Variants in ACRBP observed in about 807,000 individuals in gnomAD.
ACRBP encodes acrosin binding protein.
ACRBP carries 52 observed loss-of-function variants against 69.0 expected under a neutral mutation model. That is an observed-to-expected ratio of 0.75 (90% CI 0.60 to 0.95). The LOEUF (loss-of-function observed/expected upper bound fraction) is 0.95, where lower values mean the gene tolerates loss of function less well. Among genes scored for constraint, ACRBP ranks in the 40% least tolerant of loss-of-function variants. The probability of loss-of-function intolerance (pLI) is 0.00; values close to 1 mark genes in which losing one functional copy is unlikely to be tolerated. For synonymous variants in ACRBP, 267 were observed against 258.9 expected (o/e 1.03, Z -0.30); for missense variants, 604 against 673.0 (o/e 0.90, Z 1.13).
chr12:6,646,049 T>G (rs966219300), intron 3 of ACRBP, among the ~76,000 whole-genome samples: 10 of 150,406 alleles, frequency 6.6e-5, no homozygotes, highest in African/African-American at 2.5e-4. Context: ...AACCTTTGCC[T>G]CCCGGGTTCA....
intron 5 of ACRBP, among the ~76,000 whole-genome samples, chr12:6,643,894 G>C (rs1949070209): frequency 6.6e-6 from 1 of 152,210 alleles, no homozygotes; most frequent in Admixed American, 6.5e-5. Flanking sequence ...GCTAAACAGG[G>C]CAGAGACAAG....
intron 4 of ACRBP, among the ~76,000 whole-genome samples, 187 bp downstream of exon 4, chr12:6,645,033 T>C (rs983627244): frequency 1.3e-5 from 2 of 152,150 alleles, no homozygotes; most frequent in Admixed American, 6.5e-5. Context: ...GCAGAAGAGA[T>C]TCTGGTCCAG....
chr12:6,639,530 GC>G (rs1949035983), intron 8 of ACRBP, among the ~76,000 whole-genome samples: 1 of 152,186 alleles, frequency 6.6e-6, no homozygotes, highest in Non-Finnish European at 1.5e-5. Context: ...ACTTTTCCTT[GC>G]CTTGGTTTTC....
rs759289727 is a variant in ACRBP at position 6,644,256 on chromosome 12, T to C, written c.825A>G (p.Val275=). The C allele has an allele frequency of 2.0e-5, 33 of 1,614,064 alleles. No individual in the cohort carries two copies. The highest frequency in any genetic ancestry group is 2.7e-5 in the Non-Finnish European group (32 of 1,180,052). The change falls in exon 5 of 10, where the codon GTA becomes GTG. Residue 275 remains valine (V), a synonymous_variant. Transcript: ENST00000229243. ...TCTCCATTATCATAGGAGTAGACTC[T>C]ACTTCTCGTACCCGGGGAGCAAAAG... ...PSSFAPRVRE[V]ESTPMIMENI... is the part of the protein sequence containing the mutation.
At chr12:6,645,864 GTT>G (rs1372163277) in intron 3 of ACRBP, among the ~76,000 whole-genome samples, 1 of 151,820 alleles carries the variant, frequency 6.6e-6, no homozygotes, top group East Asian at 1.9e-4. Context: ...GTTTCACCGT[GTT>G]AGCCAGGATG....
intron 9 of ACRBP, chr12:6,638,691 A>C (rs574803134): frequency 2.8e-4 from 405 of 1,424,972 alleles, no homozygotes; most frequent in Non-Finnish European, 3.4e-4. Context: ...CTCAACGTCC[A>C]AGTCCTGGCC....
At chr12:6,646,598 A>G in intron 2 of ACRBP, 21 bp from the exon 3 acceptor site, 1 of 1,609,550 alleles carries the variant, frequency 6.2e-7, no homozygotes, top group Non-Finnish European at 8.5e-7. Flanking sequence ...GCAGGGGTGG[A>G]GAAGATGAAC....
intron 6 of ACRBP, among the ~76,000 whole-genome samples, chr12:6,642,637 T>G (rs773060198): frequency 1.3e-5 from 2 of 152,228 alleles, no homozygotes; most frequent in Non-Finnish European, 2.9e-5. Flanking sequence ...ACTTGAGCTT[T>G]ATAGAAAGTC....
At chr12:6,643,769 A>T in intron 5 of ACRBP, 98 bp from the exon 6 acceptor site, 1 of 1,509,546 alleles carries the variant, frequency 6.6e-7, no homozygotes. Flanking sequence ...TGCTTTGGTC[A>T]CACACATTCA....
At chr12:6,638,461 G>C (rs1450918449) in intron 9 of ACRBP, 57 bp from the exon 10 acceptor site, 1 of 1,609,038 alleles carries the variant, frequency 6.2e-7, no homozygotes, top group African/African-American at 1.3e-5. Context: ...CCAGGAGTGG[G>C]GAGGAGGGGA....
intron 8 of ACRBP, among the ~76,000 whole-genome samples, chr12:6,639,784 C>A (rs1592305858): frequency 1.3e-5 from 2 of 152,198 alleles, no homozygotes; most frequent in African/African-American, 4.8e-5. Context: ...GACTTGATCA[C>A]AGCCACCCAG....
chr12:6,638,368 TGTAA>T lies in ACRBP; in HGVS notation c.1542_1545del (p.Tyr515ValfsTer3). On this transcript the variant is annotated frameshift_variant, in exon 10 of 10. Coordinates refer to ENST00000229243, the MANE Select transcript of ACRBP (RefSeq NM_032489.3). LOFTEE classifies it high-confidence loss of function. ...TCACTTTTGCCAGGGCTCAGCGCAC[TGTAA>T]GTCTCATTCTGCAGACATCTCATGC... is the stretch of plus-strand genomic sequence containing the variant. 1 of 1,614,102 alleles carries T rather than the reference TGTAA, an allele frequency of 6.2e-7. No individual in the cohort carries two copies. Among genetic ancestry groups the T allele is most frequent in the Non-Finnish European group, 8.5e-7 (1 of 1,180,018 alleles).
At position 6,644,178 on chromosome 12, in the gene ACRBP, T is replaced by TATTTCATTC. The variant is rs1949071906; in HGVS notation, c.894_902dup (p.Met298_Glu300dup). ...TTCTCCAGTAGGAGTTCTCATCATA[T>TATTTCATTC]ATTTCATTCATTTCATCTATTTCCT... On this transcript the variant is annotated inframe_insertion, in exon 5 of 10. Transcript: ENST00000229243. The TATTTCATTC allele has an allele frequency of 5.0e-6, 8 of 1,608,216 alleles. No homozygotes were observed. Among genetic ancestry groups the TATTTCATTC allele is most frequent in the Non-Finnish European group, 6.8e-6 (8 of 1,175,846 alleles).
Position 6,640,285 on chromosome 12 carries a change from C to G in ACRBP, c.1257+58G>C. ...CCCCTCCCCACCTGCTGGCCACCAC[C>G]ACCCCACCCCTGCCACCCAGTTCTG... On this transcript the variant is annotated intron_variant, in intron 7 of 9. Coordinates refer to ENST00000229243, the MANE Select transcript of ACRBP (RefSeq NM_032489.3). This position sits in a 1 kb window ranked among gnomAD's most constrained non-coding sequence, Gnocchi z 5.3. 6.2e-7 allele frequency: 1 copy of G among 1,612,558 alleles called. No individual in the cohort carries two copies. The highest frequency in any genetic ancestry group is 1.7e-5 in the Admixed American group (1 of 59,956).
At position 6,640,526 on chromosome 12, in the gene ACRBP, G is replaced by A. The variant is rs1277643824; in HGVS notation, c.1078-4C>T. 6.2e-7 allele frequency: 1 copy of A among 1,612,496 alleles called. No homozygotes were observed. The highest frequency in any genetic ancestry group is 1.3e-5 in the African/African-American group (1 of 74,890). On this transcript the variant is annotated splice_polypyrimidine_tract_variant and splice_region_variant and intron_variant, in intron 6 of 9. Transcript: ENST00000229243. This position sits in a 1 kb window ranked among gnomAD's most constrained non-coding sequence, Gnocchi z 5.3. ...GCCGCCCAAGGCTGTCACAGACCTG[G>A]GGCAGGGGAATGGGTGAGGCTGAAG...
rs531732103 is a variant in ACRBP at position 6,644,161 on chromosome 12, T to C, written c.920A>G (p.Tyr307Cys). The C allele has an allele frequency of 2.3e-5, 37 of 1,599,240 alleles. No individual in the cohort carries two copies. Among genetic ancestry groups the C allele is most frequent in the Non-Finnish European group, 2.9e-5 (34 of 1,170,388 alleles). Residue 307 changes from tyrosine to cysteine, a missense_variant, in exon 5 of 10, where the codon TAC (tyrosine) becomes TGC (cysteine). Around this residue, in one of 3 missense-constraint regions of ACRBP, gnomAD observed 532 missense variants for 562.9 expected, o/e 0.95. Transcript: ENST00000229243. Reference sequence around the variant, plus strand: ...CCTGCCAGGGTTTTGGTTTCTCCAGTAGGAGTTCTCATCATATATTTCATT... The same window carrying C: ...CCTGCCAGGGTTTTGGTTTCTCCAGCAGGAGTTCTCATCATATATTTCATT... The part of the protein sequence containing the change: ...EMNEIYDENS[Y>C]WRNQNPGSLL...
chr12:6,647,238 C>A, intron 1 of ACRBP, 86 bp downstream of exon 1: 1 of 1,448,310 alleles, frequency 6.9e-7, no homozygotes, highest in Non-Finnish European at 9.3e-7. Flanking sequence ...CATGAGGAAG[C>A]GATCCAGAAA....
At chr12:6,645,666 GTT>G (rs3054294) in intron 3 of ACRBP, among the ~76,000 whole-genome samples, 1 of 142,742 alleles carries the variant, frequency 7.0e-6, no homozygotes. Context: ...TGTTTTTTTT[GTT>G]TTTTTTTTTT....
rs990297037 is a variant in ACRBP, at chr12:6,638,935, G to C, written c.1509+19C>G. On this transcript the variant is annotated intron_variant, in intron 9 of 9. Transcript: ENST00000229243. ...TGAGGGGGTGCTGGGAGAAGGAGGG[G>C]CAGGGCAGGGGTGCTCACCTTCCGA... 6.2e-7 allele frequency: 1 copy of C among 1,611,862 alleles called. No homozygotes were observed. Among genetic ancestry groups the C allele is most frequent in the African/African-American group, 1.3e-5 (1 of 75,016 alleles).
Sources: allele counts gnomAD v4.1 joint callset (sites outside exome capture counted in the v4.1 genomes callset), GRCh38; gene constraint gnomAD v4.1.1; regional missense constraint gnomAD v4.1.1; non-coding constraint Gnocchi (gnomAD v3.1); transcripts MANE v1.5; gene names NCBI Gene and HGNC (gene_info 2026-07-23, HGNC 2026-07-21).